The following ULK4 variants were observed in gnomAD, a reference collection of about 807,000 sequenced individuals.
ULK4 encodes the protein unc-51 like kinase 4.
ULK4 carries 133 observed loss-of-function variants against 160.6 expected under a neutral mutation model. The ratio of observed to expected loss-of-function variants is 0.83; its 90% CI spans 0.72 to 0.96. The LOEUF (loss-of-function observed/expected upper bound fraction) is 0.96, where lower values mean the gene tolerates loss of function less well. Ranked by LOEUF, ULK4 falls within the 40% of genes least tolerant of loss-of-function variation. The pLI, the probability that ULK4 is intolerant of heterozygous loss-of-function variation, is 0.00. For synonymous variants in ULK4, 534 were observed against 539.8 expected, an observed-to-expected ratio of 0.99 and a Z score of 0.15; for missense variants, 1,580 against 1,499.5, an observed-to-expected ratio of 1.05 and a Z score of -0.89.
chr3:41,911,242 G>C, intron 11 of ULK4, 75 bp downstream of exon 11: 1 of 1,393,234 alleles, frequency 7.2e-7, no homozygotes, highest in Non-Finnish European at 1.0e-6. Flanking sequence ...AACAAAGTTT[G>C]CACCAAGATA....
At chr3:41,925,821 C>A (rs1404876081) in intron 5 of ULK4, among the ~76,000 whole-genome samples, 1 of 151,754 alleles carries the variant, frequency 6.6e-6, no homozygotes, top group African/African-American at 2.4e-5. Context: ...ACTGCAGCAT[C>A]TCTGAAAAAA....
chr3:41,380,018 T>C (rs2081612561), intron 35 of ULK4, among the ~76,000 whole-genome samples: 2 of 152,176 alleles, frequency 1.3e-5, no homozygotes, highest in Admixed American at 6.5e-5. Flanking sequence ...TGTGCTCACA[T>C]ACCCAAGTGA....
chr3:41,876,882 C>G (rs1322433250), intron 17 of ULK4, among the ~76,000 whole-genome samples: 1 of 152,136 alleles, frequency 6.6e-6, no homozygotes, highest in African/African-American at 2.4e-5. Flanking sequence ...GGAGAGAGCA[C>G]AAGAGGATCC....
At chr3:41,263,552 C>T (rs1478024660) in intron 35 of ULK4, among the ~76,000 whole-genome samples, 1 of 152,070 alleles carries the variant, frequency 6.6e-6, no homozygotes, top group Admixed American at 6.6e-5. Context: ...AGTGATTCAG[C>T]CACTATACAT....
chr3:41,913,752 C>G (rs1698877461), intron 8 of ULK4, among the ~76,000 whole-genome samples: 1 of 152,072 alleles, frequency 6.6e-6, no homozygotes, highest in Non-Finnish European at 1.5e-5. Context: ...TGCTTGAGTC[C>G]ATGATTTTGA....
intron 32 of ULK4, among the ~76,000 whole-genome samples, chr3:41,510,331 A>G (rs1386398718): frequency 6.6e-6 from 1 of 152,200 alleles, no homozygotes; most frequent in Non-Finnish European, 1.5e-5. Context: ...AAATTTATAA[A>G]ACAATTACTG....
At chr3:41,691,034 T>A (rs577743375) in intron 27 of ULK4, among the ~76,000 whole-genome samples, 1 of 151,886 alleles carries the variant, frequency 6.6e-6, no homozygotes, top group East Asian at 1.9e-4. Flanking sequence ...TCTCCCTAGA[T>A]AGAAACACCT....
intron 34 of ULK4, among the ~76,000 whole-genome samples, chr3:41,424,831 C>CAAAAAAAAAAAAAAAAAAAAAAAAAAAAA (rs36097613): frequency 1.6e-5 from 1 of 62,404 alleles, no homozygotes; most frequent in African/African-American, 6.5e-5. Flanking sequence ...AAGAAATCAT[C>CAAAAAAAAAAAAAAAAAAAAAAAAAAAAA]AAAAAAAAAA....
intron 32 of ULK4, among the ~76,000 whole-genome samples, chr3:41,480,852 G>A (rs199619325): frequency 1.3e-5 from 2 of 152,142 alleles, no homozygotes; most frequent in African/African-American, 4.8e-5. Context: ...GCAGAGTGAA[G>A]GGGGTAAGGC....
At chr3:41,570,041 G>C (rs1352475445) in intron 31 of ULK4, among the ~76,000 whole-genome samples, 2 of 152,132 alleles carry the variant, frequency 1.3e-5, no homozygotes, top group Non-Finnish European at 2.9e-5. Context: ...ATCAGAGTGA[G>C]AACATGAAGC....
chr3:41,571,367 T>G (rs996635235), intron 31 of ULK4, among the ~76,000 whole-genome samples: 5 of 152,230 alleles, frequency 3.3e-5, no homozygotes, highest in African/African-American at 1.2e-4. Context: ...GTTGAGCAGG[T>G]GTAAATGTGA....
At chr3:41,699,345 A>G (rs1344475384) in intron 27 of ULK4, among the ~76,000 whole-genome samples, 1 of 152,244 alleles carries the variant, frequency 6.6e-6, no homozygotes, top group East Asian at 1.9e-4. Flanking sequence ...ACAAAAGGAT[A>G]GGTTTTTCGT....
intron 35 of ULK4, among the ~76,000 whole-genome samples, chr3:41,373,449 G>A (rs965120125): frequency 1.3e-5 from 2 of 152,160 alleles, no homozygotes; most frequent in African/African-American, 4.8e-5. Flanking sequence ...TCAGAACACA[G>A]TACAATCAAA....
intron 17 of ULK4, among the ~76,000 whole-genome samples, chr3:41,869,345 C>T (rs980983762): frequency 6.6e-5 from 10 of 152,016 alleles, no homozygotes; most frequent in South Asian, 2.1e-4. Flanking sequence ...GAAGCTAAGG[C>T]GGATGAATCA....
chr3:41,494,180 A>G (rs1311864454), intron 32 of ULK4, among the ~76,000 whole-genome samples: 2 of 112,238 alleles, frequency 1.8e-5, no homozygotes, highest in Admixed American at 2.0e-4. Flanking sequence ...AAAATCCTCA[A>G]TAAAATACTG....
intron 31 of ULK4, among the ~76,000 whole-genome samples, chr3:41,608,422 T>C (rs1414032565): frequency 1.3e-5 from 2 of 152,256 alleles, no homozygotes; most frequent in African/African-American, 4.8e-5. Context: ...ATCTCAGTTG[T>C]TTCTGTTCAT....
rs144803227 is a variant in ULK4 at position 41,312,010 on chromosome 3, G to C, written c.3679-62436C>G. Among the ~76,000 whole-genome samples the C allele has an allele frequency of 2.4e-4, 33 of 134,896 alleles. 1 individual carries two copies. The highest frequency in any genetic ancestry group is 1.1e-3 in the African/African-American group (33 of 29,506). 88.5% of individuals were successfully genotyped at this position (134,896 alleles called of 152,430 possible). On this transcript the variant is annotated intron_variant, in intron 35 of 36. Transcript: ENST00000301831. ...TTTTTTAGCAGTGGGTTCTTACTCT[G>C]TTGCCCAGGCTGAAGTGCAGTGGCA...
At chr3:41,641,049 T>C (rs1478841160) in intron 30 of ULK4, among the ~76,000 whole-genome samples, 1 of 152,160 alleles carries the variant, frequency 6.6e-6, no homozygotes, top group Admixed American at 6.5e-5. Context: ...AGTTATAAGA[T>C]GCATTGAGTT....
intron 27 of ULK4, among the ~76,000 whole-genome samples, chr3:41,702,720 A>G (rs1187874223): frequency 5.9e-5 from 9 of 152,198 alleles, no homozygotes; most frequent in African/African-American, 2.2e-4. Flanking sequence ...CTCAAAATAC[A>G]TAAAACAAAA....
Sources: allele counts gnomAD v4.1 joint callset (sites outside exome capture counted in the v4.1 genomes callset), GRCh38; gene constraint gnomAD v4.1.1; transcripts MANE v1.5; gene names NCBI Gene and HGNC (gene_info 2026-07-23, HGNC 2026-07-21).